The following SPSB3 variants were observed in gnomAD, a reference collection of about 807,000 sequenced individuals.
SPSB3 encodes the protein splA/ryanodine receptor domain and SOCS box containing 3, also known as SPRY domain-containing SOCS box protein 3.
A neutral mutation model predicts 29.5 loss-of-function variants in SPSB3; 18 were observed. That is an observed-to-expected ratio of 0.61 (90% CI 0.42 to 0.91). SPSB3 has a LOEUF of 0.91. SPSB3 is among the 40% of genes least tolerant of loss of function. SPSB3 has a pLI of 0.00. For synonymous variants in SPSB3, 299 were observed against 214.1 expected (o/e 1.40, Z -3.46); for missense variants, 540 against 507.5 (o/e 1.06, Z -0.61).
chr16:1,778,871 G>A (rs1425073099), intron 2 of SPSB3: 1 of 406,546 alleles, frequency 2.5e-6, no homozygotes. Flanking sequence ...GCCTCCAAGT[G>A]GTTTCTAGAC....
chr16:1,781,094 G>T, intron 2 of SPSB3: 2 of 1,315,514 alleles, frequency 1.5e-6, no homozygotes, highest in Non-Finnish European at 2.0e-6. Context: ...CATGCACCAT[G>T]TGTTTCAGAG....
In SPSB3 at chr16:1,778,444, C is replaced by T. The variant is rs2042747280; in HGVS notation, c.295G>A (p.Glu99Lys). Residue 99 changes from glutamate (E) to lysine (K), a missense_variant, in exon 3 of 7, where the codon GAA (glutamate) becomes AAA (lysine). By Grantham distance (56) the Glu-to-Lys change is moderately conservative. Coordinates refer to ENST00000566339, the MANE Select transcript of SPSB3 (RefSeq NM_080861.4). ...TGGGCCCCACGCTCACACTCGTCTT[C>T]CTCTCCGCAGCGGCAGTCCCTGCCC... is the stretch of plus-strand genomic sequence containing the variant. ...HRGRDCRCGE[E>K]DEYFDWVWDD... The T allele has an allele frequency of 6.2e-7, 1 of 1,609,604 alleles. No homozygotes were observed. The highest frequency in any genetic ancestry group is 8.5e-7 in the Non-Finnish European group (1 of 1,178,366).
chr16:1,778,013 G>A lies in SPSB3; in HGVS notation c.528C>T (p.Asp176=). Residue 176 remains aspartate, a synonymous_variant, in exon 5 of 7, where the codon GAC becomes GAT. Transcript: ENST00000566339. ...GGCTGCAGAACGTGTGGCGGTATTT[G>A]TCCAGGTCCACATCCGACGTCCCGA... ...VGIGTSDVDL[D]KYRHTFCSLL... 1 of 1,613,226 alleles carries A rather than the reference G, an allele frequency of 6.2e-7. No homozygotes were observed. The highest frequency in any genetic ancestry group is 8.5e-7 in the Non-Finnish European group (1 of 1,179,994).
intron 2 of SPSB3, chr16:1,781,122 A>G: frequency 6.9e-7 from 1 of 1,458,788 alleles, no homozygotes; most frequent in Non-Finnish European, 9.2e-7. Flanking sequence ...CACAGTGAAG[A>G]ATGCAGTGTG....
chr16:1,778,316 C>A lies in SPSB3; in HGVS notation c.310G>T (p.Asp104Tyr). Reference sequence around the variant, plus strand: ...TTATTTAAGTCATCCCAGACCCAGTCGAAATCTGCAAGAGAGGCCCAGGCT... The same window carrying A: ...TTATTTAAGTCATCCCAGACCCAGTAGAAATCTGCAAGAGAGGCCCAGGCT... Reference protein sequence around the residue: ...CRCGEEDEYFDWVWDDLNKSS... With the variant: ...CRCGEEDEYFYWVWDDLNKSS... Residue 104 changes from aspartate (D) to tyrosine (Y), a missense_variant, in exon 4 of 7, where the codon GAC (aspartate) becomes TAC (tyrosine). Coordinates refer to ENST00000566339, the MANE Select transcript of SPSB3 (RefSeq NM_080861.4). 2 of 1,612,240 alleles carry A rather than the reference C, an allele frequency of 1.2e-6. No individual in the cohort carries two copies. Among genetic ancestry groups the A allele is most frequent in the South Asian group, 2.2e-5 (2 of 91,038 alleles).
chr16:1,778,653 C>G (rs2042751002), intron 2 of SPSB3, 41 bp from the exon 3 acceptor site: 3 of 1,516,480 alleles, frequency 2.0e-6, no homozygotes, highest in Middle Eastern at 2.5e-4. Context: ...GTTGCCCGCT[C>G]TCTACCCTCT....
rs1419866686 is a variant in SPSB3, at chr16:1,776,843, A to G, written c.*254T>C. On this transcript the variant is annotated 3_prime_UTR_variant, in exon 7 of 7. Transcript: ENST00000566339. ...GGGAACAGCAACGCGGGCTCCAGCC[A>G]GGCTCTCGTCCTCGCAGCCTCCCAC... is the stretch of plus-strand genomic sequence containing the variant. 1 of 538,260 alleles carries G rather than the reference A, an allele frequency of 1.9e-6. No homozygotes were observed. The highest frequency in any genetic ancestry group is 3.5e-5 in the Admixed American group (1 of 28,686). 33.3% of individuals were successfully genotyped at this position (538,260 alleles called of 1,614,324 possible). A position where few individuals can be genotyped will look rare whatever the true frequency, so the allele number is the denominator to read the frequency against.
Position 1,777,736 on chromosome 16 carries a change from G to T in SPSB3, c.721+11C>A. 6.2e-7 allele frequency: 1 copy of T among 1,611,156 alleles called. No individual in the cohort carries two copies. The highest frequency in any genetic ancestry group is 8.5e-7 in the Non-Finnish European group (1 of 1,179,284). On this transcript the variant is annotated intron_variant, in intron 6 of 6. Coordinates refer to ENST00000566339, the MANE Select transcript of SPSB3 (RefSeq NM_080861.4). ...CAGCTGAGAGGAGCTCAAGTCCTGT[G>T]ACGGCCTCACCTATACACTTCCTGT...
intron 1 of SPSB3, chr16:1,781,928 C>T: frequency 4.9e-6 from 1 of 204,216 alleles, no homozygotes; most frequent in Non-Finnish European, 1.0e-5. Context: ...CCGACCGCCG[C>T]ACCCGCCTGC....
chr16:1,779,310 TG>T (rs2042759773), intron 2 of SPSB3: 1 of 152,360 alleles, frequency 6.6e-6, no homozygotes. Context: ...ACAGACTGTG[TG>T]GGGGCCACCC....
chr16:1,779,337 C>G (rs974370810), intron 2 of SPSB3: 9 of 152,572 alleles, frequency 5.9e-5, no homozygotes, highest in African/African-American at 2.2e-4. Context: ...CTGAATGGAC[C>G]AGGGGGTCAG....
At position 1,777,942 on chromosome 16, in the gene SPSB3, G is replaced by A. The variant is rs1436326625; in HGVS notation, c.595+4C>T. On this transcript the variant is annotated splice_donor_region_variant and intron_variant, in intron 5 of 6. Coordinates refer to ENST00000566339, the MANE Select transcript of SPSB3 (RefSeq NM_080861.4). ...GGCCCCGCCCCACCCTGGGCCTCAC[G>A]CACCCGTGTAGGAGAGGCCCCAGCT... 10 of 1,612,304 alleles carry A rather than the reference G, an allele frequency of 6.2e-6. No homozygotes were observed. The Admixed American group carries it at 6.7e-5, about 11-fold the overall frequency.
intron 6 of SPSB3, 90 bp from the exon 7 acceptor site, chr16:1,777,533 G>T: frequency 7.2e-7 from 1 of 1,390,238 alleles, no homozygotes; most frequent in Non-Finnish European, 9.5e-7. Flanking sequence ...CAGTCACCCG[G>T]GTGGGCAGCT....
chr16:1,779,237 C>A (rs1369640910), intron 2 of SPSB3: 1 of 152,462 alleles, frequency 6.6e-6, no homozygotes, highest in African/African-American at 2.4e-5. Context: ...GATTCTTGGC[C>A]TCCTCCCACC....
intron 1 of SPSB3, 102 bp downstream of exon 1, chr16:1,782,400 G>A (rs1244801573): frequency 2.0e-5 from 3 of 151,880 alleles, no homozygotes; most frequent in Non-Finnish European, 2.9e-5. Flanking sequence ...GCCCTCCGGA[G>A]AGGAACAAAG....
At position 1,776,920 on chromosome 16, in the gene SPSB3, G is replaced by A. The variant is rs1189061139; in HGVS notation, c.*177C>T. On this transcript the variant is annotated 3_prime_UTR_variant, in exon 7 of 7. Transcript: ENST00000566339. Reference sequence around the variant, plus strand: ...TCCCCACCCAGCACAGCAGCAGAGGGGCCCTAGAGCCCCCACAGAAAGGAC... The same window carrying A: ...TCCCCACCCAGCACAGCAGCAGAGGAGCCCTAGAGCCCCCACAGAAAGGAC... 2.3e-5 allele frequency: 16 copies of A among 710,222 alleles called. No homozygotes were observed. Among genetic ancestry groups the A allele is most frequent in the Non-Finnish European group, 3.4e-5 (15 of 440,286 alleles). The allele number at this position is 710,222 out of a possible 1,614,324, so 44.0% of individuals were successfully genotyped here.
chr16:1,779,068 GCAGACCTGGCTCAC>G (rs570338893), intron 2 of SPSB3: 1 of 159,900 alleles, frequency 6.3e-6, no homozygotes, highest in South Asian at 1.9e-4. Context: ...TGTTACCTGA[GCAGACCTGGCTCAC>G]CACAGGGTCC....
intron 1 of SPSB3, chr16:1,781,699 G>A (rs1195591592): frequency 5.2e-6 from 3 of 580,424 alleles, no homozygotes; most frequent in Admixed American, 3.2e-5. Context: ...CCTGTGAAAC[G>A]CCACCCAGAC....
chr16:1,781,885 A>C, intron 1 of SPSB3: 6 of 209,234 alleles, frequency 2.9e-5, no homozygotes, highest in East Asian at 1.4e-4. Flanking sequence ...AAGCACCGTG[A>C]CCGCTCCCCG....
Sources: gnomAD v4.1 joint callset for allele counts on GRCh38, gnomAD v4.1.1 for gene constraint, MANE v1.5 for transcripts, NCBI Gene and HGNC (gene_info 2026-07-23, HGNC 2026-07-21) for gene names.